Variants in ITGA8 observed in about 807,000 individuals in gnomAD.
ITGA8 encodes the protein integrin alpha-8.
Under a neutral mutation model 142.3 loss-of-function variants are expected in ITGA8, and 91 were observed. That is an observed-to-expected ratio of 0.64 (90% CI 0.54 to 0.76). The LOEUF (loss-of-function observed/expected upper bound fraction) is 0.76, where lower values mean the gene tolerates loss of function less well. Among genes scored for constraint, ITGA8 ranks in the 30% least tolerant of loss-of-function variants. The pLI is 0.00. For missense variants in ITGA8, 1,406 were observed against 1,327.7 expected (o/e 1.06, Z -0.92); for synonymous variants, 505 against 485.2 (o/e 1.04, Z -0.54).
At chr10:15,676,343 G>T (rs1282352707) in intron 6 of ITGA8, among the ~76,000 whole-genome samples, 1 of 152,206 alleles carries the variant, frequency 6.6e-6, no homozygotes. Context: ...GATGCTGTCT[G>T]TACCTGGGTT....
intron 2 of ITGA8, among the ~76,000 whole-genome samples, chr10:15,690,084 C>G (rs756572751): frequency 1.3e-5 from 2 of 152,098 alleles, no homozygotes; most frequent in Non-Finnish European, 2.9e-5. Flanking sequence ...CTGAGCTGTA[C>G]TACCCAACTA....
intron 13 of ITGA8, among the ~76,000 whole-genome samples, chr10:15,622,159 A>T (rs1242960325): frequency 6.6e-6 from 1 of 152,008 alleles, no homozygotes; most frequent in African/African-American, 2.4e-5. Flanking sequence ...TCCATCTCAA[A>T]CAAAACAAAA....
At chr10:15,684,720 A>C (rs955012199) in intron 3 of ITGA8, among the ~76,000 whole-genome samples, 6 of 152,118 alleles carry the variant, frequency 3.9e-5, no homozygotes, top group Non-Finnish European at 7.3e-5. Context: ...GCAAGCAGAA[A>C]TTAATTCCTA....
chr10:15,531,859 C>T (rs569422107), intron 27 of ITGA8, among the ~76,000 whole-genome samples: 8 of 151,998 alleles, frequency 5.3e-5, no homozygotes, highest in South Asian at 2.1e-4. Context: ...GCAGCAGAAT[C>T]GCTTGAACCT....
At chr10:15,581,524 G>T (rs1834405942) in intron 23 of ITGA8, among the ~76,000 whole-genome samples, 1 of 152,066 alleles carries the variant, frequency 6.6e-6, no homozygotes, top group Admixed American at 6.6e-5. Flanking sequence ...TGACCCTGAG[G>T]GTGGTTTTGG....
intron 23 of ITGA8, among the ~76,000 whole-genome samples, chr10:15,583,542 C>G (rs1834454090): frequency 2.0e-5 from 3 of 152,094 alleles, no homozygotes; most frequent in Admixed American, 1.3e-4. Flanking sequence ...TAAAAAGAAA[C>G]TGTCTACTGA....
chr10:15,606,423 C>A lies in ITGA8; in HGVS notation c.1765-1G>T. The A allele has an allele frequency of 1.3e-6, 2 of 1,583,764 alleles. No individual in the cohort carries two copies. Among genetic ancestry groups the A allele is most frequent in the African/African-American group, 1.3e-5 (1 of 74,538 alleles). ...ATTTATCTCGGAATTCAGTTTCATC[C>A]TAGGAAAAATAATCACAAACTCAAC... On this transcript the variant is annotated splice_acceptor_variant, in intron 17 of 29. Coordinates refer to ENST00000378076, the MANE Select transcript of ITGA8 (RefSeq NM_003638.3). LOFTEE classifies it high-confidence loss of function.
chr10:15,554,567 A>G (rs1404921334), intron 26 of ITGA8, among the ~76,000 whole-genome samples: 2 of 152,152 alleles, frequency 1.3e-5, no homozygotes, highest in African/African-American at 4.8e-5. Flanking sequence ...ACACTTGCAC[A>G]TATGCACATG....
At chr10:15,659,614 C>G (rs1485523922) in intron 9 of ITGA8, among the ~76,000 whole-genome samples, 1 of 152,170 alleles carries the variant, frequency 6.6e-6, no homozygotes, top group Non-Finnish European at 1.5e-5. Flanking sequence ...AGTAGCACCC[C>G]AAAATTTCAT....
chr10:15,680,457 T>G (rs564690935), intron 4 of ITGA8, among the ~76,000 whole-genome samples: 10 of 152,218 alleles, frequency 6.6e-5, no homozygotes, highest in African/African-American at 2.4e-4. Flanking sequence ...TCATGAATCC[T>G]ATAAAGTTCC....
At chr10:15,536,788 C>G (rs528388989) in intron 27 of ITGA8, among the ~76,000 whole-genome samples, 53 of 152,256 alleles carry the variant, frequency 3.5e-4, no homozygotes, top group African/African-American at 1.3e-3. Context: ...CACTTTTGCA[C>G]AATGATTTGC....
At chr10:15,551,955 G>A (rs1303833604) in intron 26 of ITGA8, among the ~76,000 whole-genome samples, 4 of 151,952 alleles carry the variant, frequency 2.6e-5, no homozygotes, top group African/African-American at 7.2e-5. Context: ...TATGATATTC[G>A]GAAGTTTAAA....
chr10:15,660,941 A>C lies in ITGA8; in HGVS notation c.848-19T>G, dbSNP rs752614996. 6.2e-7 allele frequency: 1 copy of C among 1,609,826 alleles called. No homozygotes were observed. The highest frequency in any genetic ancestry group is 8.5e-7 in the Non-Finnish European group (1 of 1,176,432). On this transcript the variant is annotated intron_variant, in intron 8 of 29. Transcript: ENST00000378076. ...ACCAATTCTGGGGATGAAAATAGCCATTTAGAAGGGGAATTACTCACACAC... is the reference window on the plus strand; with the variant it reads ...ACCAATTCTGGGGATGAAAATAGCCCTTTAGAAGGGGAATTACTCACACAC...
intron 27 of ITGA8, among the ~76,000 whole-genome samples, chr10:15,540,357 T>C (rs1833544854): frequency 1.3e-5 from 2 of 152,160 alleles, no homozygotes; most frequent in South Asian, 4.1e-4. Flanking sequence ...GATCCACCCT[T>C]TTAGCTCCCA....
At chr10:15,703,176 G>A (rs909522826) in intron 2 of ITGA8, among the ~76,000 whole-genome samples, 1 of 152,184 alleles carries the variant, frequency 6.6e-6, no homozygotes. Flanking sequence ...GCTTGTAATA[G>A]CAACAGTACA....
At chr10:15,518,228 G>C (rs770679356) in intron 29 of ITGA8, among the ~76,000 whole-genome samples, 4 of 152,150 alleles carry the variant, frequency 2.6e-5, no homozygotes, top group Non-Finnish European at 5.9e-5. Flanking sequence ...TCTTTCTTCT[G>C]TTTCTCATGT....
In ITGA8 at chr10:15,616,545, C is replaced by T. The variant is rs1245955202; in HGVS notation, c.1414G>A (p.Ala472Thr). Reference protein sequence around the residue: ...KNDYPDLIVGAFGTGKVAVYR... With the variant: ...KNDYPDLIVGTFGTGKVAVYR... Reference sequence around the variant, plus strand: ...ACAGCGACTTTTCCTGTTCCAAATGCACCCACAATCAAATCTTAAAAAGAC... The same window carrying T: ...ACAGCGACTTTTCCTGTTCCAAATGTACCCACAATCAAATCTTAAAAAGAC... The change falls in exon 14 of 30, where the codon GCA becomes ACA. Residue 472 changes from alanine to threonine, a missense_variant. Ala to Thr is a moderately conservative substitution (Grantham distance 58). Transcript: ENST00000378076. The T allele has an allele frequency of 6.2e-7, 1 of 1,611,916 alleles. No individual in the cohort carries two copies. Among genetic ancestry groups the T allele is most frequent in the African/African-American group, 1.3e-5 (1 of 74,900 alleles).
intron 2 of ITGA8, among the ~76,000 whole-genome samples, chr10:15,701,920 G>A (rs984873242): frequency 3.9e-5 from 6 of 152,096 alleles, no homozygotes; most frequent in Non-Finnish European, 8.8e-5. Context: ...TTTCTAATTG[G>A]AATGATGCAT....
chr10:15,638,631 T>C (rs1448709479), intron 13 of ITGA8, among the ~76,000 whole-genome samples: 5 of 152,202 alleles, frequency 3.3e-5, no homozygotes, highest in Non-Finnish European at 7.3e-5. Flanking sequence ...GTGTGGCTTC[T>C]CAGGGGTGTT....
Sources: allele counts gnomAD v4.1 joint callset (sites outside exome capture counted in the v4.1 genomes callset), GRCh38; gene constraint gnomAD v4.1.1; transcripts MANE v1.5; gene names NCBI Gene and HGNC (gene_info 2026-07-23, HGNC 2026-07-21).